TRDN: variants seen among roughly 807,000 people sequenced by gnomAD.
TRDN encodes the protein triadin.
In TRDN, 161 loss-of-function variants were observed where a neutral mutation model predicts 149.7. The observed-to-expected ratio is 1.08, with a 90% CI of 0.95 to 1.23. The LOEUF (loss-of-function observed/expected upper bound fraction) is 1.23. Among genes scored for constraint, TRDN ranks in the 50% most tolerant of loss-of-function variants. The pLI is 0.00. For synonymous variants in TRDN, 294 were observed against 250.5 expected, an observed-to-expected ratio of 1.17 and a Z score of -1.64; for missense variants, 896 against 823.5, an observed-to-expected ratio of 1.09 and a Z score of -1.08.
intron 24 of TRDN, among the ~76,000 whole-genome samples, chr6:123,308,072 TC>T (rs1336385540): frequency 6.6e-6 from 1 of 151,964 alleles, no homozygotes; most frequent in Non-Finnish European, 1.5e-5. Context: ...TCCATGAGTA[TC>T]TAATGTTTAG....
Position 123,277,254 on chromosome 6 carries a change from A to T in TRDN, c.1567+1064T>A, listed in dbSNP as rs893741158. On this transcript the variant is annotated intron_variant, in intron 26 of 40. Coordinates refer to ENST00000334268, the MANE Select transcript of TRDN (RefSeq NM_006073.4). ...TAATGAGATTTTGAACTATTGATTG[A>T]TAGTTAGATGAAATTTTGGACTTAG... Among the ~76,000 whole-genome samples, 42 of 152,204 alleles carry T rather than the reference A, an allele frequency of 2.8e-4. 1 individual carries two copies. Among genetic ancestry groups the T allele is most frequent in the Non-Finnish European group, 5.1e-4 (35 of 68,018 alleles).
At chr6:123,594,559 A>T (rs563225695) in intron 1 of TRDN, among the ~76,000 whole-genome samples, 16 of 152,162 alleles carry the variant, frequency 1.1e-4, no homozygotes, top group South Asian at 2.1e-4. Flanking sequence ...CTTATCCCAG[A>T]AAAAGAAAAT....
In TRDN at chr6:123,238,338, T is replaced by C. The variant is rs953484833; in HGVS notation, c.1975+14074A>G. 2.6e-5 allele frequency among the ~76,000 whole-genome samples: 4 copies of C among 152,232 alleles called. No homozygotes were observed. The South Asian group carries it at 8.3e-4, about 31-fold the overall frequency. On this transcript the variant is annotated intron_variant, in intron 38 of 40. Coordinates refer to ENST00000334268, the MANE Select transcript of TRDN (RefSeq NM_006073.4). ...AGTCAAGATTAGATGTGTTGGAATT[T>C]AGATGTTTTCATATTCCTCTCTTGT...
chr6:123,253,685 C>G (rs1157515628), intron 37 of TRDN, among the ~76,000 whole-genome samples: 1 of 152,076 alleles, frequency 6.6e-6, no homozygotes, highest in African/African-American at 2.4e-5. Flanking sequence ...TGCTTTCGTA[C>G]ATAATCATTT....
intron 2 of TRDN, among the ~76,000 whole-genome samples, chr6:123,554,014 T>G (rs1229822030): frequency 1.3e-5 from 2 of 152,166 alleles, no homozygotes; most frequent in Admixed American, 1.3e-4. Flanking sequence ...TGCAGGCTGC[T>G]ATAAATATTA....
At chr6:123,610,285 C>T (rs989618425) in intron 1 of TRDN, among the ~76,000 whole-genome samples, 5 of 152,168 alleles carry the variant, frequency 3.3e-5, no homozygotes, top group African/African-American at 1.2e-4. Context: ...GCACCATTCT[C>T]ACTGTGAATT....
chr6:123,262,970 CT>C (rs1776823867), intron 33 of TRDN, among the ~76,000 whole-genome samples: 1 of 151,952 alleles, frequency 6.6e-6, no homozygotes, highest in Non-Finnish European at 1.5e-5. Context: ...CTAAAATGGC[CT>C]CTTAGTATTC....
chr6:123,473,920 GC>G (rs995705112), intron 9 of TRDN, among the ~76,000 whole-genome samples: 2 of 151,972 alleles, frequency 1.3e-5, no homozygotes, highest in African/African-American at 4.8e-5. Flanking sequence ...CACCAGGCCT[GC>G]CCTAAAAGAG....
chr6:123,604,460 T>A (rs1038203820), intron 1 of TRDN, among the ~76,000 whole-genome samples: 2 of 152,202 alleles, frequency 1.3e-5, no homozygotes, highest in Non-Finnish European at 2.9e-5. Flanking sequence ...ATGAAGAGGC[T>A]GGACTTCATA....
At chr6:123,601,792 T>C (rs1317037318) in intron 1 of TRDN, among the ~76,000 whole-genome samples, 1 of 150,796 alleles carries the variant, frequency 6.6e-6, no homozygotes, top group Admixed American at 6.6e-5. Context: ...AGGTTAACAA[T>C]ATTATATTAA....
chr6:123,462,101 T>C (rs1776483702), intron 10 of TRDN: 1 of 152,178 alleles, frequency 6.6e-6, no homozygotes. Context: ...TTGTACAAGA[T>C]CTTTTCAAAA....
intron 12 of TRDN, among the ~76,000 whole-genome samples, chr6:123,424,358 A>T (rs1774029902): frequency 6.6e-6 from 1 of 152,110 alleles, no homozygotes; most frequent in South Asian, 2.1e-4. Flanking sequence ...TCAAGGCTAA[A>T]TCCTTTCTAT....
chr6:123,543,577 T>C (rs574487409), intron 4 of TRDN, among the ~76,000 whole-genome samples: 21 of 152,308 alleles, frequency 1.4e-4, no homozygotes, highest in African/African-American at 4.3e-4. Context: ...ATTACAATCA[T>C]GCTCAATTTT....
intron 4 of TRDN, among the ~76,000 whole-genome samples, chr6:123,533,262 T>G (rs1352725682): frequency 6.6e-6 from 1 of 152,080 alleles, no homozygotes; most frequent in Non-Finnish European, 1.5e-5. Context: ...TAGGGGTGTG[T>G]GCATATGTGT....
intron 10 of TRDN, among the ~76,000 whole-genome samples, chr6:123,447,708 C>T (rs965387068): frequency 6.6e-6 from 1 of 151,390 alleles, no homozygotes; most frequent in Non-Finnish European, 1.5e-5. Context: ...TACCATACTA[C>T]AGGCAGTGAC....
chr6:123,542,459 TAG>T (rs1368229038), intron 4 of TRDN, among the ~76,000 whole-genome samples: 1 of 152,202 alleles, frequency 6.6e-6, no homozygotes, highest in East Asian at 1.9e-4. Context: ...ACTTTAAAGC[TAG>T]ATGTCAGGAA....
intron 1 of TRDN, among the ~76,000 whole-genome samples, chr6:123,591,541 C>T (rs1208846086): frequency 6.6e-6 from 1 of 152,128 alleles, no homozygotes; most frequent in Non-Finnish European, 1.5e-5. Flanking sequence ...CCACCATGTC[C>T]AGTCCCAAAT....
chr6:123,364,995 A>G (rs1455180382), intron 20 of TRDN, among the ~76,000 whole-genome samples: 2 of 152,238 alleles, frequency 1.3e-5, no homozygotes, highest in African/African-American at 4.8e-5. Flanking sequence ...AACTTCTGAT[A>G]AATGAATTAC....
intron 12 of TRDN, among the ~76,000 whole-genome samples, chr6:123,409,886 G>A (rs1773362416): frequency 6.6e-6 from 1 of 152,128 alleles, no homozygotes; most frequent in South Asian, 2.1e-4. Flanking sequence ...ACAAAGGGGA[G>A]GTGGAGAGAG....
Sources: allele counts gnomAD v4.1 joint callset (sites outside exome capture counted in the v4.1 genomes callset), GRCh38; gene constraint gnomAD v4.1.1; transcripts MANE v1.5; gene names NCBI Gene and HGNC (gene_info 2026-07-23, HGNC 2026-07-21).